BCKDHB: variants seen among roughly 807,000 people sequenced by gnomAD.
BCKDHB encodes the protein branched chain keto acid dehydrogenase E1 subunit beta.
A neutral mutation model predicts 48.5 loss-of-function variants in BCKDHB; 41 were observed. The ratio of observed to expected loss-of-function variants is 0.85; its 90% CI spans 0.66 to 1.10. The LOEUF (loss-of-function observed/expected upper bound fraction) is 1.10. Ranked by LOEUF, BCKDHB falls within the 50% of genes least tolerant of loss-of-function variation. The pLI is 0.00. For missense variants in BCKDHB, 496 were observed against 494.2 expected, an observed-to-expected ratio of 1.00 and a Z score of -0.03; for synonymous variants, 201 against 174.8, an observed-to-expected ratio of 1.15 and a Z score of -1.18.
chr6:80,363,234 C>G, the BCKDHB span, among the ~76,000 whole-genome samples: 4 of 152,122 alleles, frequency 2.6e-5, no homozygotes, highest in Admixed American at 1.3e-4. Context: ...AAAGTAATTT[C>G]CAAAAGGTCA....
intron 8 of BCKDHB, among the ~76,000 whole-genome samples, chr6:80,252,859 A>G (rs1369405403): frequency 2.0e-5 from 3 of 152,108 alleles, no homozygotes; most frequent in African/African-American, 7.2e-5. Context: ...AAGTCAGTTA[A>G]ATAGGTTGTT....
chr6:80,241,522 G>C (rs541567397), intron 8 of BCKDHB, among the ~76,000 whole-genome samples: 1 of 152,290 alleles, frequency 6.6e-6, no homozygotes, highest in Non-Finnish European at 1.5e-5. Flanking sequence ...TCAGCTGCAG[G>C]TCTGTTGGAG....
chr6:80,356,725 C>G, the BCKDHB span: 1 of 151,934 alleles, frequency 6.6e-6, no homozygotes, highest in Non-Finnish European at 1.5e-5. Flanking sequence ...AAATTGTTAC[C>G]AAATATTAAG....
chr6:80,289,442 A>C (rs1282911436), intron 9 of BCKDHB, among the ~76,000 whole-genome samples: 1 of 152,168 alleles, frequency 6.6e-6, no homozygotes, highest in Non-Finnish European at 1.5e-5. Context: ...GCAGCCAGGA[A>C]GTGCAGCTCC....
At chr6:80,116,110 C>T (rs1469176652) in intron 1 of BCKDHB, among the ~76,000 whole-genome samples, 1 of 152,134 alleles carries the variant, frequency 6.6e-6, no homozygotes, top group Admixed American at 6.5e-5. Context: ...TGCTCTTGGC[C>T]TTATTTATTT....
chr6:80,187,797 G>A (rs1479838689), intron 6 of BCKDHB, among the ~76,000 whole-genome samples: 1 of 152,158 alleles, frequency 6.6e-6, no homozygotes, highest in African/African-American at 2.4e-5. Flanking sequence ...ACACCAGTCA[G>A]AATAGCTATT....
At chr6:80,247,007 G>A (rs933603069) in intron 8 of BCKDHB, among the ~76,000 whole-genome samples, 23 of 151,936 alleles carry the variant, frequency 1.5e-4, no homozygotes, top group African/African-American at 5.3e-4. Flanking sequence ...TTTTCTTTGA[G>A]CCAGGGAAAC....
At chr6:80,341,898 C>G (rs1311128326) in intron 9 of BCKDHB, among the ~76,000 whole-genome samples, 1 of 152,158 alleles carries the variant, frequency 6.6e-6, no homozygotes, top group African/African-American at 2.4e-5. Flanking sequence ...AAGAAATAAT[C>G]CACCCAGTCT....
At chr6:80,289,634 A>G (rs1242669288) in intron 9 of BCKDHB, among the ~76,000 whole-genome samples, 1 of 152,064 alleles carries the variant, frequency 6.6e-6, no homozygotes, top group Admixed American at 6.5e-5. Flanking sequence ...GGCTCTTGGG[A>G]AAGGGGTGAA....
At chr6:80,189,709 G>T (rs886726185) in intron 6 of BCKDHB, among the ~76,000 whole-genome samples, 1 of 152,050 alleles carries the variant, frequency 6.6e-6, no homozygotes. Flanking sequence ...AGGCCATTAG[G>T]TATTTAGTAA....
Position 80,106,764 on chromosome 6 carries a change from G to A in BCKDHB, c.71G>A (p.Arg24His). Reference sequence around the variant, plus strand: ...GCGGCAGGGGCTGAGGGGCACTGGCGTCGGCTTCCTGGCGCGGGGCTGGCG... The same window carrying A: ...GCGGCAGGGGCTGAGGGGCACTGGCATCGGCTTCCTGGCGCGGGGCTGGCG... The part of the protein sequence containing the change: ...LRAAGAEGHW[R>H]RLPGAGLARG... Residue 24 changes from arginine to histidine, a missense_variant, in exon 1 of 10, where the codon CGT becomes CAT. Physicochemically the swap from Arg to His is conservative, Grantham distance 29. Coordinates refer to ENST00000320393, the MANE Select transcript of BCKDHB (RefSeq NM_183050.4). The A allele has an allele frequency of 6.3e-7, 1 of 1,581,512 alleles. No homozygotes were observed. Among genetic ancestry groups the A allele is most frequent in the Admixed American group, 1.8e-5 (1 of 55,484 alleles).
chr6:80,170,223 C>A (rs1562105885), intron 5 of BCKDHB, among the ~76,000 whole-genome samples: 1 of 152,076 alleles, frequency 6.6e-6, no homozygotes, highest in Admixed American at 6.6e-5. Flanking sequence ...AAAATAGTGA[C>A]ATTTTTGCTG....
downstream of BCKDHB, among the ~76,000 whole-genome samples, chr6:80,347,003 G>GAAA (rs201565085): frequency 0.2 from 28,395 of 143,150 alleles, 2,959 homozygotes; most frequent in South Asian, 0.38. Context: ...AAAGCAAAAA[G>GAAA]AAAAAAAAAA....
Position 80,273,051 on chromosome 6 carries a change from TA to T in BCKDHB, c.952-83del. The T allele has an allele frequency of 1.7e-5, 17 of 1,002,488 alleles. 1 individual carries two copies. The South Asian group carries it at 2.3e-4, about 14-fold the overall frequency. 62.1% of individuals were successfully genotyped at this position (1,002,488 alleles called of 1,614,324 possible). On this transcript the variant is annotated intron_variant, in intron 8 of 9. Coordinates refer to ENST00000320393, the MANE Select transcript of BCKDHB (RefSeq NM_183050.4). ...CACTATTTATTGAATGTATATAATT[TA>T]CTTTTATTACTGATTTAAAACTACC... is the stretch of plus-strand genomic sequence containing the variant.
At chr6:80,351,266 C>G (rs1320755020), downstream of BCKDHB, among the ~76,000 whole-genome samples, 1 of 152,152 alleles carries the variant, frequency 6.6e-6, no homozygotes, top group East Asian at 1.9e-4. Context: ...TCAAAACCAT[C>G]TCTTTGTTAA....
At chr6:80,196,810 A>C (rs1471307750) in intron 6 of BCKDHB, among the ~76,000 whole-genome samples, 1 of 151,612 alleles carries the variant, frequency 6.6e-6, no homozygotes, top group Non-Finnish European at 1.5e-5. Context: ...AATGTGTAGT[A>C]TGAATGAGTG....
intron 9 of BCKDHB, among the ~76,000 whole-genome samples, chr6:80,277,354 T>A (rs939510218): frequency 2.6e-5 from 4 of 152,066 alleles, no homozygotes; most frequent in Non-Finnish European, 5.9e-5. Context: ...TATTTTAATA[T>A]CACCCAAATT....
chr6:80,309,150 G>A (rs908613814), intron 9 of BCKDHB, among the ~76,000 whole-genome samples: 2 of 150,786 alleles, frequency 1.3e-5, no homozygotes, highest in Non-Finnish European at 3.0e-5. Flanking sequence ...TGCAACCTCC[G>A]CCTCCCAGGT....
the BCKDHB span, among the ~76,000 whole-genome samples, chr6:80,457,600 T>TCTTGTGCTAATGCAATTG: frequency 6.6e-6 from 1 of 152,198 alleles, no homozygotes; most frequent in Non-Finnish European, 1.5e-5. Context: ...AGCTCAGCAC[T>TCTTGTGCTAATGCAATTG]CTTGTGCTAA....
Sources: gnomAD v4.1 joint callset for allele counts (sites outside exome capture counted in the v4.1 genomes callset) on GRCh38, gnomAD v4.1.1 for gene constraint, MANE v1.5 for transcripts, NCBI Gene and HGNC (gene_info 2026-07-23, HGNC 2026-07-21) for gene names.